The following CHCHD3 variants were observed in gnomAD, a reference collection of about 807,000 sequenced individuals.
CHCHD3 encodes coiled-coil-helix-coiled-coil-helix domain containing 3.
In CHCHD3, 20 loss-of-function variants were observed where a neutral mutation model predicts 38.2. The observed-to-expected ratio is 0.52, with a 90% CI of 0.37 to 0.76. The LOEUF is 0.76. Ranked by LOEUF, CHCHD3 falls within the 30% of genes least tolerant of loss-of-function variation. CHCHD3 has a pLI of 0.00. For missense variants in CHCHD3, 245 were observed against 279.2 expected (o/e 0.88, Z 0.87); for synonymous variants, 82 against 100.0 (o/e 0.82, Z 1.07).
Position 132,983,985 on chromosome 7 carries a change from CTCTCCCTCTCCCCACGG to C in CHCHD3, c.252-8716_252-8700del, listed in dbSNP as rs773629658. 1.9e-3 allele frequency among the ~76,000 whole-genome samples: 139 copies of C among 73,390 alleles called. 2 individuals are homozygous for C. The highest frequency in any genetic ancestry group is 0.02 in the Middle Eastern group (2 of 102). The allele number at this position is 73,390 out of a possible 152,430, so 48.1% of individuals were successfully genotyped here. A position where few individuals can be genotyped will look rare whatever the true frequency, so the allele number is the denominator to read the frequency against. On this transcript the variant is annotated intron_variant, in intron 3 of 7. Transcript: ENST00000262570. The stretch of plus-strand genomic sequence containing the variant: ...AAGGCTCCTCCTCTCCCTCTCCCTC[CTCTCCCTCTCCCCACGG>C]TCTCCCTCTCCCCACGGTCTCCCTC...
chr7:132,927,449 T>C (rs1218043208), intron 4 of CHCHD3, among the ~76,000 whole-genome samples: 1 of 152,190 alleles, frequency 6.6e-6, no homozygotes, highest in Non-Finnish European at 1.5e-5. Context: ...GGTAACTTGA[T>C]AAAATATGTA....
intron 2 of CHCHD3, among the ~76,000 whole-genome samples, chr7:133,057,861 A>AAAT (rs1219330534): frequency 1.3e-5 from 2 of 152,188 alleles, no homozygotes; most frequent in Non-Finnish European, 2.9e-5. Flanking sequence ...TTTATTAAAA[A>AAAT]AATAAAATAT....
At chr7:132,850,626 CT>C (rs1808198599) in intron 5 of CHCHD3, among the ~76,000 whole-genome samples, 1 of 152,040 alleles carries the variant, frequency 6.6e-6, no homozygotes, top group African/African-American at 2.4e-5. Flanking sequence ...TCTAAGTTTC[CT>C]TTTATTTGTT....
intron 4 of CHCHD3, among the ~76,000 whole-genome samples, chr7:132,969,868 G>A (rs775960749): frequency 1.9e-4 from 29 of 152,254 alleles, no homozygotes; most frequent in Non-Finnish European, 3.5e-4. Context: ...TGGCCAAGGG[G>A]ACCTCAGAGA....
chr7:132,868,462 AAC>A (rs1436742817), intron 5 of CHCHD3, among the ~76,000 whole-genome samples: 1 of 152,160 alleles, frequency 6.6e-6, no homozygotes, highest in East Asian at 1.9e-4. Context: ...AAAAAAGGTT[AAC>A]ACAGCCGTCT....
chr7:132,887,887 A>G (rs1319439643), intron 4 of CHCHD3, among the ~76,000 whole-genome samples: 1 of 151,874 alleles, frequency 6.6e-6, no homozygotes, highest in Non-Finnish European at 1.5e-5. Context: ...AACTGGATAA[A>G]ATTAACAAGT....
chr7:132,891,920 T>C (rs1379275042), intron 4 of CHCHD3, among the ~76,000 whole-genome samples: 1 of 152,232 alleles, frequency 6.6e-6, no homozygotes, highest in Non-Finnish European at 1.5e-5. Context: ...GCTTTCCCTT[T>C]GCCTTCCACC....
In CHCHD3 at chr7:132,975,379, T is replaced by C. The variant is rs1811736532; in HGVS notation, c.252-93A>G. 7 of 1,107,996 alleles carry C rather than the reference T, an allele frequency of 6.3e-6. No homozygotes were observed. The South Asian group carries it at 7.3e-5, about 11-fold the overall frequency. 68.6% of individuals were successfully genotyped at this position (1,107,996 alleles called of 1,614,324 possible). A position where few individuals can be genotyped will look rare whatever the true frequency, so the allele number is the denominator to read the frequency against. ...GAAATAATTTAAAAATAGAAACACA[T>C]AGCCAAAAAGGTCAACAGCTGAAAT... On this transcript the variant is annotated intron_variant, in intron 3 of 7. Coordinates refer to ENST00000262570, the MANE Select transcript of CHCHD3 (RefSeq NM_017812.4).
intron 1 of CHCHD3, among the ~76,000 whole-genome samples, chr7:133,080,084 T>C (rs1815126834): frequency 6.6e-6 from 1 of 152,140 alleles, no homozygotes; most frequent in South Asian, 2.1e-4. Flanking sequence ...AAAGGAGGAT[T>C]TGAAGCAATG....
At chr7:132,914,283 C>T (rs892586500) in intron 4 of CHCHD3, among the ~76,000 whole-genome samples, 1 of 152,088 alleles carries the variant, frequency 6.6e-6, no homozygotes, top group African/African-American at 2.4e-5. Flanking sequence ...CCGACACACC[C>T]GGCCTAAGGC....
rs116802649 is a variant in CHCHD3, at chr7:132,900,048, G to A, written c.370-14303C>T. On this transcript the variant is annotated intron_variant, in intron 4 of 7. Transcript: ENST00000262570. ...GGGGCAGACACTGTGTGGCAGCAGCGTTCCTTCTCTGCCTGACTTGGCACC... is the reference window on the plus strand; with the variant it reads ...GGGGCAGACACTGTGTGGCAGCAGCATTCCTTCTCTGCCTGACTTGGCACC... Among the ~76,000 whole-genome samples, 1,112 of 152,316 alleles carry A rather than the reference G, an allele frequency of 7.3e-3. 18 individuals are homozygous for A. Among genetic ancestry groups the A allele is most frequent in the African/African-American group, 0.025 (1,035 of 41,568 alleles).
At chr7:133,067,605 C>T (rs945922135) in intron 2 of CHCHD3, among the ~76,000 whole-genome samples, 1 of 152,128 alleles carries the variant, frequency 6.6e-6, no homozygotes, top group South Asian at 2.1e-4. Context: ...TATGCAAGAC[C>T]CGAGTGACTG....
rs1815181470 is a variant in CHCHD3 at position 133,081,840 on chromosome 7, C to A, written c.81+17G>T. ...CGAGTCCAACCACTGGCCCTCCGCC[C>A]GTCCACGGGCACTCACCCGGATGCC... On this transcript the variant is annotated intron_variant, in intron 1 of 7. Transcript: ENST00000262570. 4 of 1,551,844 alleles carry A rather than the reference C, an allele frequency of 2.6e-6. No individual in the cohort carries two copies. The highest frequency in any genetic ancestry group is 2.6e-6 in the Non-Finnish European group (3 of 1,147,022).
intron 4 of CHCHD3, among the ~76,000 whole-genome samples, chr7:132,897,557 GA>G (rs1809532101): frequency 6.6e-6 from 1 of 152,204 alleles, no homozygotes; most frequent in South Asian, 2.1e-4. Flanking sequence ...GTCAGAAAGA[GA>G]ATTGGTTCTG....
chr7:132,825,385 A>G (rs1807483638), intron 6 of CHCHD3, among the ~76,000 whole-genome samples: 1 of 152,222 alleles, frequency 6.6e-6, no homozygotes, highest in African/African-American at 2.4e-5. Context: ...CAACAACTCA[A>G]GTTCAAAGAC....
At position 132,946,172 on chromosome 7, in the gene CHCHD3, A is replaced by ATG. The variant is rs34177004; in HGVS notation, c.369+28995_369+28996dup. ...CTAAAAATTTACTTGGCCTTTATAT[A>ATG]TGTGTGTGTGTGTGTGTGTATACAC... On this transcript the variant is annotated intron_variant, in intron 4 of 7. Transcript: ENST00000262570. Among the ~76,000 whole-genome samples, 1,446 of 150,634 alleles carry ATG rather than the reference A, an allele frequency of 9.6e-3. 17 individuals are homozygous for ATG. Among genetic ancestry groups the ATG allele is most frequent in the African/African-American group, 0.03 (1,254 of 41,264 alleles).
Position 132,829,484 on chromosome 7 carries a change from C to T in CHCHD3, c.524+8915G>A, listed in dbSNP as rs544031744. Among the ~76,000 whole-genome samples, 178 of 152,190 alleles carry T rather than the reference C, an allele frequency of 1.2e-3. 1 individual carries two copies. Among genetic ancestry groups the T allele is most frequent in the African/African-American group, 4.1e-3 (172 of 41,514 alleles). On this transcript the variant is annotated intron_variant, in intron 6 of 7. Coordinates refer to ENST00000262570, the MANE Select transcript of CHCHD3 (RefSeq NM_017812.4). ...GAATGATTTGTTAGCTCACACAGAA[C>T]GAATCATGAATCCAGGAGTGTATGG... is the stretch of plus-strand genomic sequence containing the variant.
chr7:133,022,526 TA>T, intron 3 of CHCHD3: 1 of 456,354 alleles, frequency 2.2e-6, no homozygotes, highest in Non-Finnish European at 4.4e-6. Context: ...AAAATATAGC[TA>T]TTGATTCTCC....
Position 132,885,734 on chromosome 7 carries a change from C to T in CHCHD3, c.381G>A (p.Leu127=). 6.2e-7 allele frequency: 1 copy of T among 1,608,402 alleles called. No individual in the cohort carries two copies. The highest frequency in any genetic ancestry group is 8.5e-7 in the Non-Finnish European group (1 of 1,178,056). ...RAKAKHLARQ[L]EEKDRVLKKQ... is the part of the protein sequence containing the mutation. ...TCTTTAGCACTCGGTCTTTCTCTTCCAGCTGCCTAGCCTAAAAAAAGAAAT... is the reference window on the plus strand; with the variant it reads ...TCTTTAGCACTCGGTCTTTCTCTTCTAGCTGCCTAGCCTAAAAAAAGAAAT... The change falls in exon 5 of 8, where the codon CTG becomes CTA. Residue 127 remains leucine (L), a synonymous_variant. Transcript: ENST00000262570.
Sources: allele counts gnomAD v4.1 joint callset (sites outside exome capture counted in the v4.1 genomes callset), GRCh38; gene constraint gnomAD v4.1.1; transcripts MANE v1.5; gene names NCBI Gene and HGNC (gene_info 2026-07-23, HGNC 2026-07-21).